The following C2CD3 variants were observed in gnomAD, a reference collection of about 807,000 sequenced individuals.
C2CD3 encodes the protein C2 domain containing 3 centriole elongation regulator.
A neutral mutation model predicts 234.0 loss-of-function variants in C2CD3; 148 were observed. The observed-to-expected ratio is 0.63, with a 90% CI of 0.55 to 0.72. The LOEUF (loss-of-function observed/expected upper bound fraction) is 0.72. Among genes scored for constraint, C2CD3 ranks in the 30% least tolerant of loss-of-function variants. C2CD3 has a pLI of 0.00. For missense variants in C2CD3, 2,577 were observed against 2,811.5 expected (o/e 0.92, Z 1.89); for synonymous variants, 1,000 against 1,035.4 (o/e 0.97, Z 0.66).
Position 74,100,677 on chromosome 11 carries a change from C to T in C2CD3, c.2581-1G>A. 1 of 1,600,934 alleles carries T rather than the reference C, an allele frequency of 6.2e-7. No individual in the cohort carries two copies. The highest frequency in any genetic ancestry group is 8.5e-7 in the Non-Finnish European group (1 of 1,176,576). ...TGGAAGACAGAGAGACAGGAATCAC[C>T]TAAGAGAGAGGAACAACCAAAACAA... On this transcript the variant is annotated splice_acceptor_variant, in intron 14 of 32. Transcript: ENST00000334126. LOFTEE classifies it high-confidence loss of function.
rs1202073431 is a variant in C2CD3 at position 74,105,835 on chromosome 11, C to CATTTTACA, written c.2085+535_2085+536insTGTAAAAT. Reference sequence around the variant, plus strand: ...TTCCTCTTGCCGTCTATTCTCCACACAGTAATCTTGTAAAATGGAAATCAG... The same window carrying CATTTTACA: ...TTCCTCTTGCCGTCTATTCTCCACACATTTTACAAGTAATCTTGTAAAATGGAAATCAG... On this transcript the variant is annotated intron_variant, in intron 13 of 32. Transcript: ENST00000334126. Among the ~76,000 whole-genome samples, 9 of 152,306 alleles carry CATTTTACA rather than the reference C, an allele frequency of 5.9e-5. No individual in the cohort carries two copies. The East Asian group carries it at 1.5e-3, about 26-fold the overall frequency.
intron 3 of C2CD3, among the ~76,000 whole-genome samples, chr11:74,141,924 C>A (rs1201545265): frequency 6.6e-6 from 1 of 151,896 alleles, no homozygotes; most frequent in African/African-American, 2.4e-5. Flanking sequence ...ACTGCTTGAG[C>A]CCCGGATATT....
chr11:74,078,005 A>T, intron 23 of C2CD3, 110 bp downstream of exon 23: 7 of 1,333,660 alleles, frequency 5.2e-6, no homozygotes, highest in Non-Finnish European at 7.1e-6. Context: ...CCTATCTCAC[A>T]GGATTGCTGG....
intron 24 of C2CD3, among the ~76,000 whole-genome samples, chr11:74,073,953 T>G (rs1954914739): frequency 6.6e-6 from 1 of 152,176 alleles, no homozygotes; most frequent in Admixed American, 6.5e-5. Flanking sequence ...TTGGCAGGAA[T>G]GCAGAAGGAA....
rs955669246 is a variant in C2CD3 at position 74,033,603 on chromosome 11, C to T, written c.6557G>A (p.Ser2186Asn). 5.9e-6 allele frequency: 9 copies of T among 1,536,052 alleles called. No individual in the cohort carries two copies. Among genetic ancestry groups the T allele is most frequent in the Non-Finnish European group, 7.8e-6 (9 of 1,146,926 alleles). The stretch of plus-strand genomic sequence containing the variant: ...TGAGCTCCATCCAACAAACGTGCTG[C>T]TCTGTTGAGCTCCTGAGAGTGTTGG... Reference protein sequence around the residue: ...PCPTLSGAQQSSTFVGWSSPQ... With the variant: ...PCPTLSGAQQNSTFVGWSSPQ... Residue 2186 changes from serine to asparagine, a missense_variant, in exon 31 of 33, where the codon AGC (serine) becomes AAC (asparagine). Physicochemically the swap from Ser to Asn is conservative, Grantham distance 46 (BLOSUM62 1). Coordinates refer to ENST00000334126, the MANE Select transcript of C2CD3 (RefSeq NM_001286577.2).
intron 19 of C2CD3, chr11:74,091,170 C>A: frequency 2.5e-6 from 1 of 401,840 alleles, no homozygotes; most frequent in Non-Finnish European, 4.4e-6. Flanking sequence ...GATTTAATTC[C>A]TTGCCAAGAT....
At chr11:74,159,407 T>C (rs1172903687) in intron 3 of C2CD3, among the ~76,000 whole-genome samples, 1 of 152,162 alleles carries the variant, frequency 6.6e-6, no homozygotes, top group Non-Finnish European at 1.5e-5. Context: ...GACAGCTCCA[T>C]GTGTGTGACT....
At chr11:74,153,136 T>G (rs1313898012) in intron 3 of C2CD3, among the ~76,000 whole-genome samples, 8 of 152,142 alleles carry the variant, frequency 5.3e-5, no homozygotes, top group Non-Finnish European at 1.0e-4. Flanking sequence ...GAGGACTGCT[T>G]GAGTCCAGAA....
At position 74,132,866 on chromosome 11, in the gene C2CD3, C is replaced by G; in HGVS notation, c.1195G>C (p.Ala399Pro). 1 of 1,613,754 alleles carries G rather than the reference C, an allele frequency of 6.2e-7. No homozygotes were observed. Reference protein sequence around the residue: ...WRHDTKADTRAIQLLLGSAEL... With the variant: ...WRHDTKADTRPIQLLLGSAEL... The stretch of plus-strand genomic sequence containing the variant: ...TACCTGCCTAATAGCAGCTGTATAG[C>G]TCTGGTATCAGCTTTTGTGTCATGT... The change falls in exon 7 of 33, where the codon GCT (alanine) becomes CCT (proline). Residue 399 changes from alanine to proline, a missense_variant. Ala to Pro is a conservative substitution (Grantham distance 27, BLOSUM62 -1). Transcript: ENST00000334126.
At chr11:74,111,006 G>A (rs926446215) in intron 11 of C2CD3, among the ~76,000 whole-genome samples, 3 of 152,146 alleles carry the variant, frequency 2.0e-5, no homozygotes, top group Non-Finnish European at 4.4e-5. Context: ...TCAGAAAAAT[G>A]TAGAGAAGAT....
In C2CD3 at chr11:74,085,782, C is replaced by T. The variant is rs115668737; in HGVS notation, c.3746G>A (p.Arg1249Gln). The T allele has an allele frequency of 7.8e-4, 1,264 of 1,614,048 alleles. 11 individuals carry two copies. The African/African-American group carries it at 0.015, about 19-fold the overall frequency. Residue 1249 changes from arginine to glutamine, a missense_variant, in exon 21 of 33, where the codon CGA becomes CAA. Coordinates refer to ENST00000334126, the MANE Select transcript of C2CD3 (RefSeq NM_001286577.2). ...LSFLPQGEQR[R>Q]THPVACSFCP... ...GAAAGAACAGGCCACAGGGTGGGTTCGGCGCTGTTCTCCCTGGGGCAGGAA... is the reference window on the plus strand; with the variant it reads ...GAAAGAACAGGCCACAGGGTGGGTTTGGCGCTGTTCTCCCTGGGGCAGGAA...
chr11:74,021,826 G>C (rs925064626), intron 32 of C2CD3, among the ~76,000 whole-genome samples: 1 of 152,110 alleles, frequency 6.6e-6, no homozygotes, highest in African/African-American at 2.4e-5. Context: ...AGTGAGACTG[G>C]TTAGAAATAG....
intron 7 of C2CD3, among the ~76,000 whole-genome samples, chr11:74,130,139 G>A (rs1337461085): frequency 1.4e-5 from 2 of 142,394 alleles, no homozygotes; most frequent in Non-Finnish European, 3.0e-5. Context: ...GGGAGAGGGA[G>A]AGGGAGAGGG....
intron 9 of C2CD3, among the ~76,000 whole-genome samples, chr11:74,116,861 T>C (rs1202858655): frequency 1.4e-5 from 2 of 138,936 alleles, no homozygotes; most frequent in Non-Finnish European, 3.2e-5. Context: ...TATGTGTATA[T>C]ACACGTGTAT....
intron 7 of C2CD3, among the ~76,000 whole-genome samples, chr11:74,125,329 G>A (rs1590876359): frequency 6.6e-6 from 1 of 151,964 alleles, no homozygotes; most frequent in Non-Finnish European, 1.5e-5. Flanking sequence ...CAATACACTC[G>A]GCTAATTAAA....
chr11:74,091,791 T>C (rs117334924), intron 19 of C2CD3, among the ~76,000 whole-genome samples: 2,011 of 152,244 alleles, frequency 0.013, 22 homozygotes, highest in Non-Finnish European at 0.021. Context: ...GCTTATAAAA[T>C]GCTTGCTGAA....
Position 74,113,938 on chromosome 11 carries a change from C to G in C2CD3, c.1731-46G>C, listed in dbSNP as rs753279107. 1.9e-5 allele frequency: 22 copies of G among 1,152,100 alleles called. No individual in the cohort carries two copies. The Admixed American group carries it at 4.8e-4, about 25-fold the overall frequency. The allele number at this position is 1,152,100 out of a possible 1,614,324, so 71.4% of individuals were successfully genotyped here. On this transcript the variant is annotated intron_variant, in intron 10 of 32. Transcript: ENST00000334126. Reference sequence around the variant, plus strand: ...ATTAAAAACTAACCAAACAATAAACCTAATTTCCGTCTGATAAATCCAACA... The same window carrying G: ...ATTAAAAACTAACCAAACAATAAACGTAATTTCCGTCTGATAAATCCAACA...
intron 5 of C2CD3, 27 bp downstream of exon 5, chr11:74,138,693 T>C (rs1403261937): frequency 6.3e-7 from 1 of 1,594,026 alleles, no homozygotes; most frequent in Admixed American, 1.7e-5. Flanking sequence ...TAGTTTAGTC[T>C]GACTCAGTTC....
At chr11:74,057,660 G>T in intron 24 of C2CD3, 116 bp from the exon 25 acceptor site, 1 of 1,058,302 alleles carries the variant, frequency 9.4e-7, no homozygotes, top group African/African-American at 1.6e-5. Context: ...CTTTGCTCAA[G>T]CTATCCCCCT....
Sources: allele counts gnomAD v4.1 joint callset (sites outside exome capture counted in the v4.1 genomes callset), GRCh38; gene constraint gnomAD v4.1.1; transcripts MANE v1.5; gene names NCBI Gene and HGNC (gene_info 2026-07-23, HGNC 2026-07-21).